GLIS3: variants seen among roughly 807,000 people sequenced by gnomAD.
GLIS3 encodes the protein zinc finger protein GLIS3.
In GLIS3, 53 loss-of-function variants were observed where a neutral mutation model predicts 78.6. The observed-to-expected ratio is 0.67, with a 90% CI of 0.54 to 0.85. The LOEUF (loss-of-function observed/expected upper bound fraction) is 0.85. Among genes scored for constraint, GLIS3 ranks in the 40% least tolerant of loss-of-function variants. The pLI is 0.00. For synonymous variants in GLIS3, 684 were observed against 509.9 expected (o/e 1.34, Z -4.60); for missense variants, 1,703 against 1,231.1 (o/e 1.38, Z -5.74).
chr9:4,277,042 C>T (rs1827094955), intron 2 of GLIS3, among the ~76,000 whole-genome samples: 1 of 152,044 alleles, frequency 6.6e-6, no homozygotes, highest in Non-Finnish European at 1.5e-5. Context: ...AAAAAAATAA[C>T]CACGGATTTT....
the GLIS3 span, among the ~76,000 whole-genome samples, chr9:4,413,513 G>C: frequency 6.6e-6 from 1 of 152,110 alleles, no homozygotes; most frequent in Non-Finnish European, 1.5e-5. Context: ...AGCTGTGCAA[G>C]CTCCAGTTTC....
chr9:3,850,554 A>C (rs1334685501), intron 9 of GLIS3, among the ~76,000 whole-genome samples: 1 of 152,226 alleles, frequency 6.6e-6, no homozygotes, highest in Non-Finnish European at 1.5e-5. Flanking sequence ...TGTTCTGTAC[A>C]TGTGGCCCAA....
chr9:4,345,424 T>C (rs1459343762), intron 2 of GLIS3, among the ~76,000 whole-genome samples: 2 of 152,238 alleles, frequency 1.3e-5, no homozygotes, highest in Non-Finnish European at 2.9e-5. Flanking sequence ...TTTCCATATC[T>C]GTTTATTGTC....
chr9:4,230,948 T>A (rs1375871256), intron 2 of GLIS3, among the ~76,000 whole-genome samples: 1 of 152,302 alleles, frequency 6.6e-6, no homozygotes, highest in East Asian at 1.9e-4. Flanking sequence ...GGCTCACATC[T>A]ATAATCTCAG....
chr9:4,057,947 T>C (rs1420668826), intron 4 of GLIS3, among the ~76,000 whole-genome samples: 1 of 152,160 alleles, frequency 6.6e-6, no homozygotes, highest in Non-Finnish European at 1.5e-5. Context: ...AAATATAATA[T>C]TCTAAAAATA....
intron 8 of GLIS3, among the ~76,000 whole-genome samples, chr9:3,874,246 A>T (rs1002624969): frequency 6.6e-6 from 1 of 152,212 alleles, no homozygotes; most frequent in Non-Finnish European, 1.5e-5. Context: ...TGATGTAATC[A>T]ATCACGCCTA....
At chr9:4,292,863 T>C (rs908631158) in intron 1 of GLIS3, among the ~76,000 whole-genome samples, 1 of 152,218 alleles carries the variant, frequency 6.6e-6, no homozygotes, top group African/African-American at 2.4e-5. Flanking sequence ...GTTCTTAATA[T>C]GAGTTAGCCA....
At chr9:3,881,045 G>A (rs937629669) in intron 7 of GLIS3, among the ~76,000 whole-genome samples, 3 of 152,164 alleles carry the variant, frequency 2.0e-5, no homozygotes, top group African/African-American at 7.2e-5. Flanking sequence ...AAACTCACTA[G>A]AGTCACCTTA....
chr9:4,114,233 C>T (rs761346529), intron 4 of GLIS3, among the ~76,000 whole-genome samples: 2 of 152,148 alleles, frequency 1.3e-5, no homozygotes, highest in Non-Finnish European at 2.9e-5. Context: ...ACTTACTGGG[C>T]ACCGTTACCC....
At chr9:4,164,485 C>A (rs954731428) in intron 2 of GLIS3, among the ~76,000 whole-genome samples, 1 of 152,168 alleles carries the variant, frequency 6.6e-6, no homozygotes, top group Non-Finnish European at 1.5e-5. Flanking sequence ...GAGAGTAGCA[C>A]GGAGACGACA....
chr9:4,454,280 C>T, the GLIS3 span, among the ~76,000 whole-genome samples: 2 of 152,134 alleles, frequency 1.3e-5, no homozygotes, highest in East Asian at 1.9e-4. Context: ...ACTAGGATTA[C>T]AGGCATGAGC....
chr9:4,159,862 G>A (rs1312971769), intron 2 of GLIS3, among the ~76,000 whole-genome samples: 5 of 152,192 alleles, frequency 3.3e-5, no homozygotes, highest in Non-Finnish European at 7.3e-5. Flanking sequence ...AAGACGGCAA[G>A]CCAATAGGGT....
rs182755067 is a variant in GLIS3 at position 3,830,870 on chromosome 9, A to G, written c.2474-1378T>C. 1.1e-4 allele frequency among the ~76,000 whole-genome samples: 17 copies of G among 152,278 alleles called. No individual in the cohort carries two copies. In the East Asian group the frequency reaches 3.1e-3, roughly 28 times the overall value. On this transcript the variant is annotated intron_variant, in intron 9 of 10. Transcript: ENST00000381971. ...GGTGAACTGATACATCCAACCTACT[A>G]TGCTCTCAACCCTTCTCATTTCCCA...
the GLIS3 span, among the ~76,000 whole-genome samples, chr9:4,398,446 C>T: frequency 6.6e-6 from 1 of 152,032 alleles, no homozygotes; most frequent in Non-Finnish European, 1.5e-5. Context: ...CCACTATTCT[C>T]ATACCCTTAC....
At chr9:4,314,426 C>T (rs536757227) in intron 2 of GLIS3, among the ~76,000 whole-genome samples, 4 of 152,284 alleles carry the variant, frequency 2.6e-5, no homozygotes, top group Admixed American at 6.5e-5. Context: ...AAGATGCATG[C>T]ACACAATATG....
At chr9:4,128,470 G>T (rs942191288) in intron 2 of GLIS3, among the ~76,000 whole-genome samples, 1 of 152,166 alleles carries the variant, frequency 6.6e-6, no homozygotes, top group Non-Finnish European at 1.5e-5. Context: ...ACATAATAAA[G>T]TCTATCCAGT....
chr9:4,453,313 G>C, the GLIS3 span, among the ~76,000 whole-genome samples: 2 of 135,730 alleles, frequency 1.5e-5, no homozygotes, highest in African/African-American at 5.2e-5. Context: ...TTGACAAATG[G>C]GATCTCATTA....
At chr9:4,297,853 G>A (rs1378280917) in intron 1 of GLIS3, among the ~76,000 whole-genome samples, 3 of 152,162 alleles carry the variant, frequency 2.0e-5, no homozygotes, top group Non-Finnish European at 2.9e-5. Flanking sequence ...GAGGCGCGTA[G>A]GACAAGGCAG....
At chr9:3,922,057 G>T (rs1824927139) in intron 6 of GLIS3, among the ~76,000 whole-genome samples, 1 of 152,122 alleles carries the variant, frequency 6.6e-6, no homozygotes, top group Non-Finnish European at 1.5e-5. Context: ...GCAATATGTT[G>T]TAAGGAATTT....
Sources: allele counts gnomAD v4.1 joint callset (sites outside exome capture counted in the v4.1 genomes callset), GRCh38; gene constraint gnomAD v4.1.1; transcripts MANE v1.5; gene names NCBI Gene and HGNC (gene_info 2026-07-23, HGNC 2026-07-21).